Variants in TBC1D13 observed in about 807,000 individuals in gnomAD.
The protein encoded by TBC1D13 is TBC1 domain family member 13.
A neutral mutation model predicts 53.6 loss-of-function variants in TBC1D13; 40 were observed. The observed-to-expected ratio is 0.75, with a 90% confidence interval of 0.58 to 0.97. TBC1D13 has a LOEUF of 0.97. Ranked by LOEUF, TBC1D13 falls within the 50% of genes least tolerant of loss-of-function variation. TBC1D13 has a pLI of 0.00. For missense variants in TBC1D13, 377 were observed against 499.4 expected, an observed-to-expected ratio of 0.75 and a Z score of 2.34; for synonymous variants, 182 against 197.7, an observed-to-expected ratio of 0.92 and a Z score of 0.67.
chr9:128,807,585 G>A (rs776873187), intron 11 of TBC1D13, among the ~76,000 whole-genome samples: 2 of 152,206 alleles, frequency 1.3e-5, no homozygotes, highest in African/African-American at 2.4e-5. Context: ...GGAAAGGGCC[G>A]CAAGAGCCTG....
chr9:128,800,447 T>C (rs1829713157), intron 7 of TBC1D13, among the ~76,000 whole-genome samples: 1 of 147,824 alleles, frequency 6.8e-6, no homozygotes, highest in Admixed American at 6.8e-5. Context: ...CTTGGCGCTC[T>C]GCAACCTCTG....
chr9:128,803,892 G>C, intron 8 of TBC1D13, 64 bp from the exon 9 acceptor site: 1 of 1,590,866 alleles, frequency 6.3e-7, no homozygotes, highest in Non-Finnish European at 8.6e-7. Flanking sequence ...GCAGATGTCT[G>C]GTAGGTGAGA....
rs144528709 is a variant in TBC1D13, at chr9:128,792,560, C to T, written c.369C>T (p.Ile123=). The T allele has an allele frequency of 2.5e-5, 40 of 1,613,928 alleles. No homozygotes were observed. Among genetic ancestry groups the T allele is most frequent in the East Asian group, 4.5e-5 (2 of 44,898 alleles). ...YFKDNEVLLQ[I]DKDVRRLCPD... Reference sequence around the variant, plus strand: ...AGGACAACGAGGTGCTGCTGCAGATCGACAAAGATGTCCGGTAGGCAGGGT... The same window carrying T: ...AGGACAACGAGGTGCTGCTGCAGATTGACAAAGATGTCCGGTAGGCAGGGT... Residue 123 remains isoleucine (I), a synonymous_variant, in exon 6 of 12, where the codon ATC becomes ATT. Coordinates refer to ENST00000372648, the MANE Select transcript of TBC1D13 (RefSeq NM_018201.5).
At chr9:128,796,721 C>T (rs1048534746) in intron 6 of TBC1D13, among the ~76,000 whole-genome samples, 2 of 151,724 alleles carry the variant, frequency 1.3e-5, no homozygotes, top group Non-Finnish European at 2.9e-5. Flanking sequence ...GGGTGGATCA[C>T]GAGGTCAGGA....
chr9:128,806,965 A>C (rs189609971), intron 11 of TBC1D13, among the ~76,000 whole-genome samples: 3 of 151,970 alleles, frequency 2.0e-5, no homozygotes, highest in African/African-American at 7.2e-5. Flanking sequence ...ACATGGGCTC[A>C]AGGGCCTACA....
chr9:128,788,726 G>GGGT (rs397715326), intron 2 of TBC1D13, among the ~76,000 whole-genome samples: 1 of 151,646 alleles, frequency 6.6e-6, no homozygotes, highest in Non-Finnish European at 1.5e-5. Context: ...TGAGAGTTGG[G>GGGT]ACCTTTTGAG....
rs149466763 is a variant in TBC1D13, at chr9:128,795,739, C to T, written c.384-1316C>T. On this transcript the variant is annotated intron_variant, in intron 6 of 11. Transcript: ENST00000372648. The stretch of plus-strand genomic sequence containing the variant: ...CCTCCCAAAGTGCTGGGATTACAGG[C>T]GTAAGCCACCGCACCTGGCCCCAAC... Among the ~76,000 whole-genome samples, 481 of 152,072 alleles carry T rather than the reference C, an allele frequency of 3.2e-3. 2 individuals are homozygous for T. Among genetic ancestry groups the T allele is most frequent in the African/African-American group, 0.011 (461 of 41,490 alleles).
At position 128,787,367 on chromosome 9, in the gene TBC1D13, A is replaced by G; in HGVS notation, c.14A>G (p.His5Arg). ...GAAGTCAACACCATGTCAAGTCTGC[A>G]CAAGAGCCGGTAAGGGGCCATGGGG... MSSL[H>R]KSRIADFQDV... Residue 5 changes from histidine to arginine, a missense_variant, in exon 1 of 12, where the codon CAC (histidine) becomes CGC (arginine). Physicochemically the swap from His to Arg is conservative, Grantham distance 29 (BLOSUM62 0). Coordinates refer to ENST00000372648, the MANE Select transcript of TBC1D13 (RefSeq NM_018201.5). 1 of 1,260,000 alleles carries G rather than the reference A, an allele frequency of 7.9e-7. No individual in the cohort carries two copies. The highest frequency in any genetic ancestry group is 3.9e-5 in the South Asian group (1 of 25,346). The allele number at this position is 1,260,000 out of a possible 1,614,324, so 78.1% of individuals were successfully genotyped here.
In TBC1D13 at chr9:128,788,342, A is replaced by T; in HGVS notation, c.32A>T (p.Asp11Val). The change falls in exon 2 of 12, where the codon GAT becomes GTT. Residue 11 changes from aspartate to valine, a missense_variant. Physicochemically the swap from Asp to Val is radical, Grantham distance 152. Coordinates refer to ENST00000372648, the MANE Select transcript of TBC1D13 (RefSeq NM_018201.5). ...CCTATCTCCCCTTCCAGAATTGCAG[A>T]TTTCCAGGATGTCCTGAAGGAGCCC... MSSLHKSRIA[D>V]FQDVLKEPSI... The T allele has an allele frequency of 6.2e-7, 1 of 1,614,094 alleles. No homozygotes were observed. Among genetic ancestry groups the T allele is most frequent in the Non-Finnish European group, 8.5e-7 (1 of 1,179,986 alleles).
At chr9:128,801,739 T>A (rs1370235732) in intron 7 of TBC1D13, among the ~76,000 whole-genome samples, 1 of 149,926 alleles carries the variant, frequency 6.7e-6, no homozygotes, top group East Asian at 1.9e-4. Context: ...TTTTGACATA[T>A]TTAAGATTTT....
At chr9:128,787,695 ACT>A (rs910576958) in intron 1 of TBC1D13, among the ~76,000 whole-genome samples, 1 of 115,128 alleles carries the variant, frequency 8.7e-6, no homozygotes, top group African/African-American at 3.4e-5. Flanking sequence ...CTGCTCCCGT[ACT>A]CTCTCCAAGT....
Position 128,803,292 on chromosome 9 carries a change from G to A in TBC1D13, c.586G>A (p.Glu196Lys), listed in dbSNP as rs199921101. ...GAACTCTGTGCCATCATCCCTAAATGAGTATGAGGTGCTGCCCAATGGCTG... is the reference window on the plus strand; with the variant it reads ...GAACTCTGTGCCATCATCCCTAAATAAGTATGAGGTGCTGCCCAATGGCTG... ...HKNSVPSSLNEYEVLPNGCEA... is the reference protein window; with the variant it reads ...HKNSVPSSLNKYEVLPNGCEA... Residue 196 changes from glutamate to lysine, a missense_variant, in exon 8 of 12, where the codon GAG (glutamate) becomes AAG (lysine). Glu to Lys is a moderately conservative substitution (Grantham distance 56, BLOSUM62 1). Transcript: ENST00000372648. The A allele has an allele frequency of 2.3e-4, 377 of 1,614,072 alleles. 1 individual carries two copies. Among genetic ancestry groups the A allele is most frequent in the African/African-American group, 2.9e-4 (22 of 74,920 alleles).
At chr9:128,796,209 C>A (rs551189850) in intron 6 of TBC1D13, among the ~76,000 whole-genome samples, 1 of 152,114 alleles carries the variant, frequency 6.6e-6, no homozygotes, top group African/African-American at 2.4e-5. Context: ...TGTCAGCCTC[C>A]CCAGTAGTTG....
intron 7 of TBC1D13, among the ~76,000 whole-genome samples, chr9:128,798,250 CAAAAA>C (rs199705725): frequency 1.4e-5 from 2 of 140,872 alleles, no homozygotes; most frequent in African/African-American, 5.2e-5. Context: ...GAGACCCTGT[CAAAAA>C]AAAAAAGAAA....
chr9:128,791,270 G>T, intron 3 of TBC1D13, 110 bp from the exon 4 acceptor site: 1 of 1,063,400 alleles, frequency 9.4e-7, no homozygotes, highest in Non-Finnish European at 1.4e-6. Flanking sequence ...AGCCCATCTT[G>T]TCTTCTTGGG....
rs576348585 is a variant in TBC1D13, at chr9:128,792,063, G to A, written c.300+370G>A. Among the ~76,000 whole-genome samples, 4 of 152,360 alleles carry A rather than the reference G, an allele frequency of 2.6e-5. No homozygotes were observed. The South Asian group carries it at 6.2e-4, about 24-fold the overall frequency. On this transcript the variant is annotated intron_variant, in intron 5 of 11. Coordinates refer to ENST00000372648, the MANE Select transcript of TBC1D13 (RefSeq NM_018201.5). ...AGCTCCTCCCTGGGCTTCACAGCAC[G>A]TGAGAAAGAAATCGATGGGCCCCAG...
In TBC1D13 at chr9:128,808,148, T is replaced by G; in HGVS notation, c.*269T>G. The G allele has an allele frequency of 2.2e-6, 1 of 456,848 alleles. No individual in the cohort carries two copies. Among genetic ancestry groups the G allele is most frequent in the Non-Finnish European group, 4.0e-6 (1 of 247,282 alleles). 28.3% of individuals were successfully genotyped at this position (456,848 alleles called of 1,614,324 possible). A position where few individuals can be genotyped will look rare whatever the true frequency, so the allele number is the denominator to read the frequency against. The stretch of plus-strand genomic sequence containing the variant: ...GTTGTCCTTCCTGGGCCAGGGCCGT[T>G]TCTGGCACTGGGAGGCTGGCAGGGG... On this transcript the variant is annotated 3_prime_UTR_variant, in exon 12 of 12. Coordinates refer to ENST00000372648, the MANE Select transcript of TBC1D13 (RefSeq NM_018201.5).
At chr9:128,798,598 G>C (rs760285999) in intron 7 of TBC1D13, among the ~76,000 whole-genome samples, 5 of 152,190 alleles carry the variant, frequency 3.3e-5, no homozygotes, top group Non-Finnish European at 7.3e-5. Context: ...ATGCAGCAGG[G>C]TTAGATCTGA....
intron 6 of TBC1D13, 78 bp downstream of exon 6, chr9:128,792,652 A>C (rs1257709434): frequency 7.3e-7 from 1 of 1,364,618 alleles, no homozygotes; most frequent in Non-Finnish European, 1.0e-6. Flanking sequence ...TTCCATTTGC[A>C]GGCCGGGCCT....
Sources: gnomAD v4.1 joint callset for allele counts (sites outside exome capture counted in the v4.1 genomes callset) on GRCh38, gnomAD v4.1.1 for gene constraint, MANE v1.5 for transcripts, NCBI Gene and HGNC (gene_info 2026-07-23, HGNC 2026-07-21) for gene names.